KIF5C: variants seen among roughly 807,000 people sequenced by gnomAD.
KIF5C encodes kinesin family member 5C.
KIF5C carries 18 observed loss-of-function variants against 125.2 expected under a neutral mutation model. That is an observed-to-expected ratio of 0.14 (90% CI 0.10 to 0.21). The LOEUF (loss-of-function observed/expected upper bound fraction) is 0.21, where lower values mean the gene tolerates loss of function less well. KIF5C is among the 10% of genes least tolerant of loss of function. The probability of loss-of-function intolerance (pLI) is 1.00; values close to 1 mark genes in which losing one functional copy is unlikely to be tolerated. For missense variants in KIF5C, 780 were observed against 1,183.8 expected (o/e 0.66, Z 5.01); for synonymous variants, 405 against 434.0 (o/e 0.93, Z 0.83).
chr2:148,899,848 CTTCTCATAT>C (rs930129187), intron 1 of KIF5C, among the ~76,000 whole-genome samples: 2 of 151,840 alleles, frequency 1.3e-5, no homozygotes, highest in African/African-American at 4.8e-5. Context: ...TGGGCTTTCC[CTTCTCATAT>C]TTCTGTGTAT....
intron 1 of KIF5C, among the ~76,000 whole-genome samples, chr2:148,877,610 C>A (rs927734565): frequency 6.6e-6 from 1 of 152,206 alleles, no homozygotes; most frequent in Non-Finnish European, 1.5e-5. Context: ...CTAGTCCCTG[C>A]CCCTTGGCTT....
At chr2:148,980,816 C>T (rs1681213981) in intron 13 of KIF5C, among the ~76,000 whole-genome samples, 1 of 152,036 alleles carries the variant, frequency 6.6e-6, no homozygotes, top group Non-Finnish European at 1.5e-5. Context: ...AGCTATTCTC[C>T]TGCCTCAGCT....
intron 10 of KIF5C, among the ~76,000 whole-genome samples, chr2:148,956,368 A>G (rs1294145532): frequency 6.6e-6 from 1 of 152,202 alleles, no homozygotes. Flanking sequence ...TATATCTAAG[A>G]GAATCTTTAC....
intron 13 of KIF5C, among the ~76,000 whole-genome samples, chr2:148,981,007 G>T (rs151234452): frequency 1.9e-3 from 290 of 152,196 alleles, no homozygotes; most frequent in African/African-American, 6.8e-3. Flanking sequence ...ACTGCGCCTG[G>T]CCCCATCCTT....
chr2:148,890,096 T>G (rs1681663131), intron 1 of KIF5C, among the ~76,000 whole-genome samples: 1 of 152,202 alleles, frequency 6.6e-6, no homozygotes, highest in Non-Finnish European at 1.5e-5. Context: ...TGAGTACCAT[T>G]TACTTAAGAA....
chr2:148,912,392 T>G (rs1217275624), intron 1 of KIF5C, among the ~76,000 whole-genome samples: 1 of 152,264 alleles, frequency 6.6e-6, no homozygotes, highest in Non-Finnish European at 1.5e-5. Context: ...GATTTTTGGC[T>G]TATAAAATTG....
chr2:149,021,046 T>G (rs1023442913), intron 25 of KIF5C, among the ~76,000 whole-genome samples: 1 of 152,080 alleles, frequency 6.6e-6, no homozygotes, highest in Non-Finnish European at 1.5e-5. Context: ...TTCTTGTCAG[T>G]GAAGAGGTGG....
Position 148,875,388 on chromosome 2 carries a change from G to C in KIF5C, c.-230G>C. On this transcript the variant is annotated 5_prime_UTR_variant, in exon 1 of 26. Transcript: ENST00000435030. The stretch of plus-strand genomic sequence containing the variant: ...GCAGGGGCGGGGCAGGGCCAGGGCA[G>C]GCCGGTCTGCAGCCGGAGGGGCCGG... 1 of 504,514 alleles carries C rather than the reference G, an allele frequency of 2.0e-6. No individual in the cohort carries two copies. The highest frequency in any genetic ancestry group is 3.5e-6 in the Non-Finnish European group (1 of 286,598). The allele number at this position is 504,514 out of a possible 1,614,324, so 31.3% of individuals were successfully genotyped here.
intron 25 of KIF5C, among the ~76,000 whole-genome samples, chr2:149,012,162 T>C (rs73011357): frequency 0.046 from 6,935 of 152,268 alleles, 394 homozygotes; most frequent in African/African-American, 0.13. Context: ...TAAGAAGATA[T>C]CTAGATGAGT....
At chr2:148,900,190 G>A (rs1183290910) in intron 1 of KIF5C, among the ~76,000 whole-genome samples, 1 of 152,018 alleles carries the variant, frequency 6.6e-6, no homozygotes, top group Non-Finnish European at 1.5e-5. Flanking sequence ...TCTCTATTTT[G>A]CCAGTGCCTT....
In KIF5C at chr2:149,023,546, A is replaced by C. The variant is rs913099116; in HGVS notation, c.*476A>C. On this transcript the variant is annotated 3_prime_UTR_variant, in exon 26 of 26. Transcript: ENST00000435030. The stretch of plus-strand genomic sequence containing the variant: ...ACAAAAAGTGCTGCTATAGGGTTCA[A>C]AGTTTTCCTTCTGAACACTTTTCCG... 6.6e-6 allele frequency: 1 copy of C among 152,622 alleles called. No homozygotes were observed. The highest frequency in any genetic ancestry group is 1.5e-5 in the Non-Finnish European group (1 of 68,030). 9.5% of individuals were successfully genotyped at this position (152,622 alleles called of 1,614,324 possible). A position where few individuals can be genotyped will look rare whatever the true frequency, so the allele number is the denominator to read the frequency against.
intron 1 of KIF5C, among the ~76,000 whole-genome samples, chr2:148,890,430 A>G (rs1215714679): frequency 6.6e-6 from 1 of 151,950 alleles, no homozygotes; most frequent in Non-Finnish European, 1.5e-5. Context: ...GAGCCCAGGA[A>G]TTGGAGGCTG....
intron 25 of KIF5C, chr2:149,020,500 CA>C (rs990620822): frequency 9.2e-5 from 14 of 152,252 alleles, no homozygotes; most frequent in Admixed American, 2.6e-4. Flanking sequence ...AGAGGCCTTC[CA>C]GGGGGAAATT....
intron 12 of KIF5C, 111 bp from the exon 13 acceptor site, chr2:148,978,811 C>G (rs1681149086): frequency 7.2e-7 from 1 of 1,384,778 alleles, no homozygotes; most frequent in Non-Finnish European, 9.5e-7. Context: ...TAACACCACA[C>G]TATTCCTTCC....
At chr2:148,892,361 G>A (rs1681729439) in intron 1 of KIF5C, among the ~76,000 whole-genome samples, 1 of 152,196 alleles carries the variant, frequency 6.6e-6, no homozygotes, top group South Asian at 2.1e-4. Context: ...CTTTGAATCA[G>A]CAATCCTGCA....
intron 1 of KIF5C, among the ~76,000 whole-genome samples, chr2:148,897,369 A>C (rs992301579): frequency 2.6e-5 from 4 of 152,098 alleles, no homozygotes; most frequent in Admixed American, 1.3e-4. Flanking sequence ...GAGTTATTAT[A>C]GCTTCCTTTC....
rs1035431169 is a variant in KIF5C at position 148,997,514 on chromosome 2, A to G, written c.2100+174A>G. ...CAGAGTATAGCCTGGCTTAGAAATG[A>G]ACAAGTCCAGAAACCCCAAGATGTC... is the stretch of plus-strand genomic sequence containing the variant. On this transcript the variant is annotated intron_variant, in intron 18 of 25. Coordinates refer to ENST00000435030, the MANE Select transcript of KIF5C (RefSeq NM_004522.3). The G allele has an allele frequency of 6.5e-6, 8 of 1,228,580 alleles. No homozygotes were observed. In the African/African-American group the frequency reaches 1.2e-4, roughly 19 times the overall value. 76.1% of individuals were successfully genotyped at this position (1,228,580 alleles called of 1,614,324 possible).
chr2:149,010,071 T>C (rs1682138083), intron 23 of KIF5C, 64 bp from the exon 24 acceptor site: 1 of 1,476,702 alleles, frequency 6.8e-7, no homozygotes, highest in Non-Finnish European at 9.0e-7. Context: ...TGCTTCTGGC[T>C]GCTCTGGTTT....
intron 2 of KIF5C, among the ~76,000 whole-genome samples, chr2:148,922,735 G>C (rs1390001453): frequency 6.6e-6 from 1 of 152,130 alleles, no homozygotes; most frequent in African/African-American, 2.4e-5. Flanking sequence ...TACCGTGTTG[G>C]TTATTGAGCT....
Sources: gnomAD v4.1 joint callset for allele counts (sites outside exome capture counted in the v4.1 genomes callset) on GRCh38, gnomAD v4.1.1 for gene constraint, MANE v1.5 for transcripts, NCBI Gene and HGNC (gene_info 2026-07-23, HGNC 2026-07-21) for gene names.